Variants in PBRM1 observed in about 807,000 individuals in gnomAD.
PBRM1 encodes protein polybromo-1.
PBRM1 carries 27 observed loss-of-function variants against 194.5 expected under a neutral mutation model. The ratio of observed to expected loss-of-function variants is 0.14; its 90% CI spans 0.10 to 0.19. The LOEUF is 0.19. Among genes scored for constraint, PBRM1 ranks in the 10% least tolerant of loss-of-function variants. The probability of loss-of-function intolerance (pLI) is 1.00; values close to 1 mark genes in which losing one functional copy is unlikely to be tolerated. For synonymous variants in PBRM1, 655 were observed against 693.2 expected, an observed-to-expected ratio of 0.94 and a Z score of 0.87; for missense variants, 1,466 against 2,077.2, an observed-to-expected ratio of 0.71 and a Z score of 5.72.
chr3:52,596,308 C>T (rs1003270792), intron 17 of PBRM1, among the ~76,000 whole-genome samples: 2 of 151,204 alleles, frequency 1.3e-5, no homozygotes, highest in African/African-American at 2.4e-5. Context: ...TTTGGTGGTG[C>T]GCGCCTGTAG....
intron 22 of PBRM1, among the ~76,000 whole-genome samples, chr3:52,566,890 G>T (rs1416650606): frequency 3.3e-5 from 5 of 152,042 alleles, no homozygotes; most frequent in Non-Finnish European, 5.9e-5. Flanking sequence ...CCAACATGGC[G>T]AAACCCCGTC....
chr3:52,680,933 G>GA (rs199510880), upstream of PBRM1, among the ~76,000 whole-genome samples: 2,858 of 149,962 alleles, frequency 0.019, 97 homozygotes, highest in African/African-American at 0.066. Context: ...AAAGCTAAAA[G>GA]AAAAAAAAAG....
At chr3:52,548,294 C>A in intron 29 of PBRM1, 59 bp from the exon 32 acceptor site, 1 of 1,367,196 alleles carries the variant, frequency 7.3e-7, no homozygotes. Context: ...AAATTTCCCT[C>A]AGTTCTAAGG....
chr3:52,563,065 T>G (rs575404838), intron 24 of PBRM1, among the ~76,000 whole-genome samples: 3 of 132,134 alleles, frequency 2.3e-5, no homozygotes, highest in Non-Finnish European at 3.6e-5. Flanking sequence ...TTTAAATTAT[T>G]AATGGTATTA....
chr3:52,603,481 G>A (rs770964901), intron 17 of PBRM1, 40 bp downstream of exon 19: 6 of 1,564,416 alleles, frequency 3.8e-6, no homozygotes, highest in African/African-American at 2.7e-5. Flanking sequence ...CTAGAAGACA[G>A]TGCATTTTTT....
intron 2 of PBRM1, among the ~76,000 whole-genome samples, chr3:52,669,216 C>T (rs1172254213): frequency 2.0e-5 from 3 of 149,194 alleles, no homozygotes; most frequent in Non-Finnish European, 4.5e-5. Flanking sequence ...TCAGATACAT[C>T]TAAACACAAC....
chr3:52,572,342 G>A (rs1353627127), intron 22 of PBRM1, among the ~76,000 whole-genome samples: 1 of 152,008 alleles, frequency 6.6e-6, no homozygotes, highest in Non-Finnish European at 1.5e-5. Context: ...TAGAGGTACT[G>A]TCTGCCACAT....
At chr3:52,681,239 G>C (rs2097199871), upstream of PBRM1, 1 of 151,844 alleles carries the variant, frequency 6.6e-6, no homozygotes, top group Non-Finnish European at 1.5e-5. Flanking sequence ...CCAGGAAACA[G>C]AAAGAAGGAG....
rs1053771798 is a variant in PBRM1 at position 52,581,003 on chromosome 3, G to A, written c.3388-1804C>T. Among the ~76,000 whole-genome samples, 18 of 152,236 alleles carry A rather than the reference G, an allele frequency of 1.2e-4. No homozygotes were observed. In the East Asian group the frequency reaches 1.5e-3, roughly 13 times the overall value. ...TTTACTGAGAACCTAGCTGATAATC[G>A]GCACAAGGCTAGATGTTATAAATAT... On this transcript the variant is annotated intron_variant, in intron 20 of 29. Coordinates refer to ENST00000296302, the Ensembl canonical transcript of PBRM1.
chr3:52,573,382 C>T (rs943711895), intron 22 of PBRM1, among the ~76,000 whole-genome samples: 1 of 152,178 alleles, frequency 6.6e-6, no homozygotes, highest in African/African-American at 2.4e-5. Context: ...CAACCTCCAC[C>T]TCTCGGGTTC....
chr3:52,675,695 G>A (rs73078835), intron 2 of PBRM1, among the ~76,000 whole-genome samples: 1,700 of 152,256 alleles, frequency 0.011, 16 homozygotes, highest in Non-Finnish European at 0.015. Context: ...GGAATAGAAT[G>A]GAGCCTAGAA....
chr3:52,653,682 C>T (rs903857642), intron 5 of PBRM1, among the ~76,000 whole-genome samples: 9 of 151,620 alleles, frequency 5.9e-5, no homozygotes, highest in South Asian at 2.1e-4. Context: ...GAGGCCGAGA[C>T]GGGCAGATCA....
At chr3:52,675,593 G>C (rs934960500) in intron 2 of PBRM1, among the ~76,000 whole-genome samples, 1 of 152,170 alleles carries the variant, frequency 6.6e-6, no homozygotes, top group African/African-American at 2.4e-5. Context: ...CGTGATCTTA[G>C]AGGAAAAGCT....
intron 2 of PBRM1, among the ~76,000 whole-genome samples, chr3:52,674,971 AAGAC>A (rs745832348): frequency 4.6e-5 from 7 of 152,078 alleles, no homozygotes; most frequent in Non-Finnish European, 1.0e-4. Flanking sequence ...GTCTCAAAAA[AAGAC>A]AGAAAGGAGG....
At chr3:52,669,571 T>C (rs2096907329) in intron 2 of PBRM1, among the ~76,000 whole-genome samples, 2 of 152,176 alleles carry the variant, frequency 1.3e-5, no homozygotes, top group South Asian at 2.1e-4. Flanking sequence ...TTCAGCCCCA[T>C]TCTAGATGTG....
intron 10 of PBRM1, among the ~76,000 whole-genome samples, chr3:52,635,643 G>A (rs1174374813): frequency 6.6e-6 from 1 of 152,156 alleles, no homozygotes; most frequent in African/African-American, 2.4e-5. Context: ...ATAATTGCAT[G>A]TTTAGAGAAA....
chr3:52,621,083 C>T (rs1465226562), intron 13 of PBRM1, among the ~76,000 whole-genome samples: 1 of 152,154 alleles, frequency 6.6e-6, no homozygotes, highest in Admixed American at 6.5e-5. Flanking sequence ...GAGGCTGAGC[C>T]TTATATCCAT....
intron 17 of PBRM1, among the ~76,000 whole-genome samples, chr3:52,599,207 C>T (rs1375813397): frequency 6.6e-6 from 1 of 151,874 alleles, no homozygotes; most frequent in East Asian, 1.9e-4. Context: ...AAAAATTGCA[C>T]ATATTTATGG....
At chr3:52,678,573 T>C in exon 2 of PBRM1, 2 of 1,612,590 alleles carry the variant, frequency 1.2e-6, no homozygotes, top group Non-Finnish European at 1.7e-6. Flanking sequence ...CGGATGGTAT[T>C]ATAGAGTTCA....
Sources: gnomAD v4.1 joint callset for allele counts (sites outside exome capture counted in the v4.1 genomes callset) on GRCh38, gnomAD v4.1.1 for gene constraint, MANE v1.5 for transcripts, NCBI Gene and HGNC (gene_info 2026-07-23, HGNC 2026-07-21) for gene names.